KLHL2: variants seen among roughly 807,000 people sequenced by gnomAD.
KLHL2 encodes the protein kelch-like protein 2.
KLHL2 carries 15 observed loss-of-function variants against 75.8 expected under a neutral mutation model. The ratio of observed to expected loss-of-function variants is 0.20; its 90% CI spans 0.13 to 0.30. The LOEUF is 0.30. Among genes scored for constraint, KLHL2 ranks in the 10% least tolerant of loss-of-function variants. The pLI is 1.00. For missense variants in KLHL2, 381 were observed against 741.0 expected (o/e 0.51, Z 5.64); for synonymous variants, 214 against 251.9 (o/e 0.85, Z 1.42).
intron 5 of KLHL2, chr4:165,279,367 C>G (rs1579107333): frequency 6.3e-7 from 1 of 1,584,064 alleles, no homozygotes; most frequent in South Asian, 1.1e-5. Flanking sequence ...TGGTTTCCCT[C>G]TGGTTGCTGA....
intron 5 of KLHL2, among the ~76,000 whole-genome samples, chr4:165,276,090 T>C (rs183135078): frequency 2.0e-4 from 30 of 152,266 alleles, no homozygotes; most frequent in Admixed American, 5.9e-4. Context: ...ATCACACCAC[T>C]GCACTGTAGC....
chr4:165,236,482 G>C (rs549811396), intron 3 of KLHL2, among the ~76,000 whole-genome samples: 135 of 152,204 alleles, frequency 8.9e-4, no homozygotes, highest in African/African-American at 3.2e-3. Context: ...CTCCCTAGTA[G>C]CTGGGATTAC....
intron 5 of KLHL2, among the ~76,000 whole-genome samples, chr4:165,265,997 T>C (rs1343112022): frequency 6.6e-6 from 1 of 152,244 alleles, no homozygotes; most frequent in Non-Finnish European, 1.5e-5. Flanking sequence ...TTTCTGACTT[T>C]TTAATGATCG....
intron 5 of KLHL2, among the ~76,000 whole-genome samples, chr4:165,267,607 A>G (rs1488473448): frequency 6.6e-6 from 1 of 152,050 alleles, no homozygotes; most frequent in African/African-American, 2.4e-5. Flanking sequence ...TATGTGATGG[A>G]TTACGTTTAT....
At chr4:165,304,333 T>C (rs550262881) in intron 8 of KLHL2, among the ~76,000 whole-genome samples, 1 of 152,346 alleles carries the variant, frequency 6.6e-6, no homozygotes, top group African/African-American at 2.4e-5. Flanking sequence ...TCAGGAATCA[T>C]TTTTTGCTTT....
chr4:165,252,914 G>A (rs936333447), intron 4 of KLHL2, among the ~76,000 whole-genome samples: 6 of 152,198 alleles, frequency 3.9e-5, no homozygotes, highest in African/African-American at 1.4e-4. Context: ...GTATCTGTGG[G>A]AGTTTGGTTC....
intron 5 of KLHL2, among the ~76,000 whole-genome samples, chr4:165,274,619 A>G (rs1482727679): frequency 6.6e-6 from 1 of 152,022 alleles, no homozygotes; most frequent in East Asian, 1.9e-4. Flanking sequence ...AAAAAAAAAA[A>G]AAAAAATGGA....
chr4:165,293,082 C>G (rs899585251), intron 5 of KLHL2, among the ~76,000 whole-genome samples: 3 of 152,180 alleles, frequency 2.0e-5, no homozygotes, highest in Non-Finnish European at 4.4e-5. Context: ...TAGCATATGG[C>G]AGAGCTGGGA....
intron 11 of KLHL2, among the ~76,000 whole-genome samples, chr4:165,312,772 A>T (rs1222576684): frequency 6.6e-6 from 1 of 152,160 alleles, no homozygotes; most frequent in African/African-American, 2.4e-5. Context: ...GCTTAGGGTG[A>T]TGTTTTCAAG....
intron 5 of KLHL2, among the ~76,000 whole-genome samples, chr4:165,284,492 A>G (rs1270570809): frequency 1.3e-5 from 2 of 152,126 alleles, no homozygotes; most frequent in African/African-American, 4.8e-5. Context: ...ATTTCCCAAC[A>G]AGTTTCTCAT....
chr4:165,271,024 T>G (rs1488990091), intron 5 of KLHL2, among the ~76,000 whole-genome samples: 1 of 152,256 alleles, frequency 6.6e-6, no homozygotes, highest in Non-Finnish European at 1.5e-5. Context: ...TATATGCCAG[T>G]GCCATACTGT....
rs564916299 is a variant in KLHL2, at chr4:165,220,191, A to C, written c.152+132A>C. 1.2e-4 allele frequency: 165 copies of C among 1,410,170 alleles called. No homozygotes were observed. The African/African-American group carries it at 2.2e-3, about 19-fold the overall frequency. 87.4% of individuals were successfully genotyped at this position (1,410,170 alleles called of 1,614,324 possible). On this transcript the variant is annotated intron_variant, in intron 2 of 14. Transcript: ENST00000226725. Reference sequence around the variant, plus strand: ...CAGAACATTAAAAGCTTTTTCTGCAAGTTTTTTAAAGGAAAAGAGCAAATA... The same window carrying C: ...CAGAACATTAAAAGCTTTTTCTGCACGTTTTTTAAAGGAAAAGAGCAAATA...
chr4:165,254,381 GT>G (rs11439914), intron 4 of KLHL2, among the ~76,000 whole-genome samples: 3 of 151,616 alleles, frequency 2.0e-5, no homozygotes, highest in Admixed American at 1.3e-4. Flanking sequence ...GTTGGTTCTG[GT>G]TTTTTTTCTA....
At chr4:165,208,450 G>T (rs1282346771) in intron 1 of KLHL2, 1 of 152,138 alleles carries the variant, frequency 6.6e-6, no homozygotes, top group Admixed American at 6.5e-5. Context: ...TGGCACTGCA[G>T]AACGTTTTAT....
At chr4:165,310,273 T>C (rs770137095) in intron 9 of KLHL2, among the ~76,000 whole-genome samples, 9 of 152,098 alleles carry the variant, frequency 5.9e-5, no homozygotes, top group East Asian at 3.9e-4. Context: ...TGCAGTGAGC[T>C]GAGATGGCGC....
At chr4:165,307,283 A>G (rs537315613) in intron 9 of KLHL2, among the ~76,000 whole-genome samples, 4 of 152,318 alleles carry the variant, frequency 2.6e-5, no homozygotes, top group East Asian at 1.9e-4. Flanking sequence ...ACTCCAGCCT[A>G]GGCAATAGAG....
At chr4:165,265,108 G>A (rs1742142432) in intron 5 of KLHL2, among the ~76,000 whole-genome samples, 1 of 151,834 alleles carries the variant, frequency 6.6e-6, no homozygotes, top group South Asian at 2.1e-4. Flanking sequence ...GTTTTAATTT[G>A]CATTTTCCTG....
intron 14 of KLHL2, among the ~76,000 whole-genome samples, chr4:165,320,107 G>A (rs976012010): frequency 1.3e-5 from 2 of 151,666 alleles, no homozygotes; most frequent in Non-Finnish European, 2.9e-5. Flanking sequence ...AAGTTGTTGA[G>A]GAGAATGGAT....
Position 165,286,427 on chromosome 4 carries a change from A to C in KLHL2, c.545-7932A>C, listed in dbSNP as rs185892800. Among the ~76,000 whole-genome samples the C allele has an allele frequency of 9.5e-3, 1,444 of 152,284 alleles. 13 individuals carry two copies. The highest frequency in any genetic ancestry group is 0.022 in the South Asian group (108 of 4,828). ...AACTGTGGACAGTAATATACATTAGATAGTTAAGACAGAACAAGTGGAGAA... is the reference window on the plus strand; with the variant it reads ...AACTGTGGACAGTAATATACATTAGCTAGTTAAGACAGAACAAGTGGAGAA... On this transcript the variant is annotated intron_variant, in intron 5 of 14. Coordinates refer to ENST00000226725, the MANE Select transcript of KLHL2 (RefSeq NM_007246.4).
Sources: allele counts gnomAD v4.1 joint callset (sites outside exome capture counted in the v4.1 genomes callset), GRCh38; gene constraint gnomAD v4.1.1; transcripts MANE v1.5; gene names NCBI Gene and HGNC (gene_info 2026-07-23, HGNC 2026-07-21).